The following RAE1 variants were observed in gnomAD, a reference collection of about 807,000 sequenced individuals.
RAE1 encodes ribonucleic acid export 1, also known as mRNA export factor RAE1.
A neutral mutation model predicts 52.7 loss-of-function variants in RAE1; 13 were observed. That is an observed-to-expected ratio of 0.25 (90% CI 0.16 to 0.39). RAE1 has a LOEUF of 0.39. Ranked by LOEUF, RAE1 falls within the 10% of genes least tolerant of loss-of-function variation. RAE1 has a pLI of 1.00. For missense variants in RAE1, 262 were observed against 459.8 expected (o/e 0.57, Z 3.93); for synonymous variants, 164 against 153.1 (o/e 1.07, Z -0.52).
At chr20:57,353,383 G>A (rs2066739140) in intron 1 of RAE1, among the ~76,000 whole-genome samples, 2 of 152,208 alleles carry the variant, frequency 1.3e-5, no homozygotes, top group Admixed American at 1.3e-4. Context: ...AAGAGGCCCT[G>A]ACCAAACCCT....
In RAE1 at chr20:57,356,450, G is replaced by A. The variant is rs1467150599; in HGVS notation, c.200G>A (p.Arg67His). The A allele has an allele frequency of 6.2e-7, 1 of 1,610,820 alleles. No individual in the cohort carries two copies. The highest frequency in any genetic ancestry group is 8.5e-7 in the Non-Finnish European group (1 of 1,177,708). The change falls in exon 4 of 12, where the codon CGC becomes CAC. Residue 67 changes from arginine to histidine, a missense_variant. Coordinates refer to ENST00000395841, the MANE Select transcript of RAE1 (RefSeq NM_003610.4). The stretch of plus-strand genomic sequence containing the variant: ...TGAATTTTTTTGTTACTACAGGTTC[G>A]CTGCTGGGAAGTTCAAGACAGTGGA... Reference protein sequence around the residue: ...LIAGSWANDVRCWEVQDSGQT... With the variant: ...LIAGSWANDVHCWEVQDSGQT...
At chr20:57,368,661 A>T in intron 7 of RAE1, 44 bp from the exon 8 acceptor site, 1 of 1,387,482 alleles carries the variant, frequency 7.2e-7, no homozygotes, top group Non-Finnish European at 1.0e-6. Context: ...AAAACAGCAC[A>T]CTCCTTCACC....
chr20:57,366,053 G>C (rs1474577968), intron 5 of RAE1, among the ~76,000 whole-genome samples: 1 of 152,194 alleles, frequency 6.6e-6, no homozygotes, highest in Non-Finnish European at 1.5e-5. Context: ...TCAGGTCACA[G>C]TGCTGTGTGC....
intron 3 of RAE1, among the ~76,000 whole-genome samples, chr20:57,355,989 G>GCA (rs1282415424): frequency 6.6e-6 from 1 of 152,222 alleles, no homozygotes; most frequent in Non-Finnish European, 1.5e-5. Context: ...AAGACTAAGA[G>GCA]CACACAGAAC....
chr20:57,361,394 G>A (rs1014976137), intron 4 of RAE1, among the ~76,000 whole-genome samples: 1 of 152,106 alleles, frequency 6.6e-6, no homozygotes, highest in Non-Finnish European at 1.5e-5. Context: ...TGGGGTGTTC[G>A]TGGTTAAAAT....
intron 4 of RAE1, chr20:57,358,039 G>A (rs1177977341): frequency 1.3e-5 from 2 of 151,302 alleles, no homozygotes; most frequent in African/African-American, 4.9e-5. Flanking sequence ...TAGATAGACG[G>A]CTAGGCTTGA....
chr20:57,366,900 T>C lies in RAE1; in HGVS notation c.462+7T>C. ...CTGGGATAAGACTTTAAAGGTATAA[T>C]GTGCAGTTGAGGCATTGTTTGGCCC... On this transcript the variant is annotated splice_region_variant and intron_variant, in intron 6 of 11. Coordinates refer to ENST00000395841, the MANE Select transcript of RAE1 (RefSeq NM_003610.4). The C allele has an allele frequency of 1.2e-6, 2 of 1,606,524 alleles. No individual in the cohort carries two copies. Among genetic ancestry groups the C allele is most frequent in the Non-Finnish European group, 1.7e-6 (2 of 1,173,072 alleles).
At position 57,368,708 on chromosome 20, in the gene RAE1, T is replaced by C. The variant is rs750519592; in HGVS notation, c.538T>C (p.Tyr180His). 9 of 1,608,096 alleles carry C rather than the reference T, an allele frequency of 5.6e-6. No individual in the cohort carries two copies. The African/African-American group carries it at 6.7e-5, about 12-fold the overall frequency. ...PERCYCADVI[Y>H]PMAVVATAER... Reference sequence around the variant, plus strand: ...TCTGTTTTCTTCCATTCCCTAGATATACCCCATGGCTGTGGTGGCAACTGC... The same window carrying C: ...TCTGTTTTCTTCCATTCCCTAGATACACCCCATGGCTGTGGTGGCAACTGC... The change falls in exon 8 of 12, where the codon TAC (tyrosine) becomes CAC (histidine). Residue 180 changes from tyrosine to histidine, a missense_variant. Coordinates refer to ENST00000395841, the MANE Select transcript of RAE1 (RefSeq NM_003610.4).
At chr20:57,359,839 A>G (rs1280882103) in intron 4 of RAE1, 4 of 152,208 alleles carry the variant, frequency 2.6e-5, no homozygotes, top group East Asian at 1.9e-4. Context: ...AGTCCTCAAT[A>G]CAGTTCTTTC....
chr20:57,351,266 A>C lies in RAE1; in HGVS notation c.-164A>C. On this transcript the variant is annotated 5_prime_UTR_variant, in exon 1 of 12. Transcript: ENST00000395841. ...GGCGCACGCGCGTTGTTTCCGCGGT[A>C]GTCAGGGCAGTTTCTACCGCAGGCT... 1 of 985,386 alleles carries C rather than the reference A, an allele frequency of 1.0e-6. No homozygotes were observed. Among genetic ancestry groups the C allele is most frequent in the Non-Finnish European group, 1.2e-6 (1 of 829,900 alleles). 61.0% of individuals were successfully genotyped at this position (985,386 alleles called of 1,614,324 possible). A position where few individuals can be genotyped will look rare whatever the true frequency, so the allele number is the denominator to read the frequency against.
chr20:57,368,637 A>T (rs1329413357), intron 7 of RAE1, 68 bp from the exon 8 acceptor site: 1 of 1,096,916 alleles, frequency 9.1e-7, no homozygotes, highest in Non-Finnish European at 1.4e-6. Flanking sequence ...AAATTGATCA[A>T]ATACATTAGT....
At chr20:57,375,938 C>G (rs952880112) in intron 11 of RAE1, among the ~76,000 whole-genome samples, 3 of 152,258 alleles carry the variant, frequency 2.0e-5, no homozygotes, top group Non-Finnish European at 4.4e-5. Flanking sequence ...TCTTGCCTTG[C>G]TGGCCCCCCG....
At position 57,378,904 on chromosome 20, in the gene RAE1, G is replaced by A. The variant is rs1600733980; in HGVS notation, c.*805G>A. Reference sequence around the variant, plus strand: ...CTTACCCACCCCGGTCCCCTGCATGGGAATTGCCCTGAACCCTCAGTAGTG... The same window carrying A: ...CTTACCCACCCCGGTCCCCTGCATGAGAATTGCCCTGAACCCTCAGTAGTG... On this transcript the variant is annotated 3_prime_UTR_variant, in exon 12 of 12. Coordinates refer to ENST00000395841, the MANE Select transcript of RAE1 (RefSeq NM_003610.4). The A allele has an allele frequency of 6.6e-6, 1 of 152,208 alleles. No individual in the cohort carries two copies. The highest frequency in any genetic ancestry group is 1.5e-5 in the Non-Finnish European group (1 of 68,030). The allele number at this position is 152,208 out of a possible 1,614,324, so 9.4% of individuals were successfully genotyped here.
Position 57,358,973 on chromosome 20 carries a change from G to A in RAE1, c.288+2435G>A, listed in dbSNP as rs1212892832. ...TTTCTCGTCTTATTTGTTTATATCC[G>A]CCTCTTCACGGATAGATCAATTTCA... is the stretch of plus-strand genomic sequence containing the variant. On this transcript the variant is annotated intron_variant, in intron 4 of 11. Transcript: ENST00000395841. 5.4e-6 allele frequency: 8 copies of A among 1,470,942 alleles called. No homozygotes were observed. Among genetic ancestry groups the A allele is most frequent in the South Asian group, 4.1e-5 (3 of 72,996 alleles). The allele number at this position is 1,470,942 out of a possible 1,614,324, so 91.1% of individuals were successfully genotyped here. A position where few individuals can be genotyped will look rare whatever the true frequency, so the allele number is the denominator to read the frequency against.
chr20:57,377,788 T>A (rs955719640), intron 11 of RAE1, among the ~76,000 whole-genome samples: 2 of 150,156 alleles, frequency 1.3e-5, no homozygotes, highest in African/African-American at 5.0e-5. Context: ...ACTCACAGAC[T>A]CTCTCAGTAG....
intron 4 of RAE1, chr20:57,358,983 G>T: frequency 6.7e-7 from 1 of 1,503,022 alleles, no homozygotes; most frequent in Non-Finnish European, 8.8e-7. Context: ...GCCTCTTCAC[G>T]GATAGATCAA....
intron 4 of RAE1, 98 bp from the exon 5 acceptor site, chr20:57,365,258 A>G (rs530839796): frequency 2.5e-6 from 2 of 784,502 alleles, no homozygotes; most frequent in East Asian, 3.0e-5. Context: ...AAAGATTGCC[A>G]AAGTTTGCCT....
chr20:57,352,167 A>AACTT (rs10625159), intron 1 of RAE1, among the ~76,000 whole-genome samples: 74,798 of 151,790 alleles, frequency 0.49, 20,641 homozygotes, highest in African/African-American at 0.76. Flanking sequence ...ATTGAAGTAT[A>AACTT]AAATAACATT....
intron 7 of RAE1, 25 bp from the exon 8 acceptor site, chr20:57,368,680 A>C: frequency 1.3e-6 from 2 of 1,530,208 alleles, no homozygotes; most frequent in Non-Finnish European, 1.8e-6. Flanking sequence ...CCTGAAGCGC[A>C]TCTCTGTTTT....
Sources: gnomAD v4.1 joint callset for allele counts (sites outside exome capture counted in the v4.1 genomes callset) on GRCh38, gnomAD v4.1.1 for gene constraint, MANE v1.5 for transcripts, NCBI Gene and HGNC (gene_info 2026-07-23, HGNC 2026-07-21) for gene names.